The following ARFGEF3 variants were observed in gnomAD, a reference collection of about 807,000 sequenced individuals.
The protein encoded by ARFGEF3 is brefeldin A-inhibited guanine nucleotide-exchange protein 3.
A neutral mutation model predicts 221.7 loss-of-function variants in ARFGEF3; 96 were observed. That is an observed-to-expected ratio of 0.43 (90% CI 0.37 to 0.51). ARFGEF3 has a LOEUF of 0.51. Ranked by LOEUF, ARFGEF3 falls within the 20% of genes least tolerant of loss-of-function variation. The pLI is 0.00. For missense variants in ARFGEF3, 2,410 were observed against 2,789.9 expected, an observed-to-expected ratio of 0.86 and a Z score of 3.07; for synonymous variants, 1,145 against 1,126.8, an observed-to-expected ratio of 1.02 and a Z score of -0.32.
At chr6:138,265,970 C>T (rs1778885679) in intron 12 of ARFGEF3, among the ~76,000 whole-genome samples, 1 of 152,048 alleles carries the variant, frequency 6.6e-6, no homozygotes, top group South Asian at 2.1e-4. Context: ...CATCCCAGCA[C>T]TTTAGGAGGC....
chr6:138,281,847 A>C (rs1779201843), intron 14 of ARFGEF3, among the ~76,000 whole-genome samples: 1 of 152,192 alleles, frequency 6.6e-6, no homozygotes, highest in Admixed American at 6.5e-5. Flanking sequence ...GGGAGTCTGC[A>C]AAAGTTTAGT....
intron 6 of ARFGEF3, 47 bp downstream of exon 6, chr6:138,238,678 G>T: frequency 6.3e-7 from 1 of 1,592,932 alleles, no homozygotes; most frequent in South Asian, 1.1e-5. Flanking sequence ...GGTGGTGTCT[G>T]TGTATCCCAT....
rs149673166 is a variant in ARFGEF3, at chr6:138,338,071, C to T, written c.*1585C>T. On this transcript the variant is annotated 3_prime_UTR_variant, in exon 34 of 34. Coordinates refer to ENST00000251691, the MANE Select transcript of ARFGEF3 (RefSeq NM_020340.5). ...GATCTGAAAAAAACACCCTTATCAT[C>T]CAGTGTACCATCTAGAGATCACCAC... is the stretch of plus-strand genomic sequence containing the variant. 3 of 152,318 alleles carry T rather than the reference C, an allele frequency of 2.0e-5. No homozygotes were observed. Among genetic ancestry groups the T allele is most frequent in the African/African-American group, 7.2e-5 (3 of 41,582 alleles). The allele number at this position is 152,318 out of a possible 1,614,324, so 9.4% of individuals were successfully genotyped here. A position where few individuals can be genotyped will look rare whatever the true frequency, so the allele number is the denominator to read the frequency against.
chr6:138,262,187 C>CTTT (rs11393341), intron 11 of ARFGEF3, among the ~76,000 whole-genome samples: 62 of 127,868 alleles, frequency 4.8e-4, no homozygotes, highest in African/African-American at 7.7e-4. Context: ...ATGCAGACCA[C>CTTT]TTTTTTTTTT....
intron 7 of ARFGEF3, among the ~76,000 whole-genome samples, chr6:138,243,994 G>C (rs1778439904): frequency 6.6e-6 from 1 of 152,028 alleles, no homozygotes; most frequent in African/African-American, 2.4e-5. Flanking sequence ...TCTCATAAAG[G>C]CTTCACTTTA....
chr6:138,243,564 T>A lies in ARFGEF3; in HGVS notation c.586+570T>A, dbSNP rs544071397. ...GCAATTTAATTTTTAAAAACAGGTT[T>A]GATAATATTGTTTTCTGAAAGTATG... On this transcript the variant is annotated intron_variant, in intron 7 of 33. Coordinates refer to ENST00000251691, the MANE Select transcript of ARFGEF3 (RefSeq NM_020340.5). 6.6e-4 allele frequency among the ~76,000 whole-genome samples: 100 copies of A among 152,374 alleles called. No individual in the cohort carries two copies. The South Asian group carries it at 0.019, about 29-fold the overall frequency.
intron 2 of ARFGEF3, among the ~76,000 whole-genome samples, chr6:138,193,908 G>C (rs1235716625): frequency 6.6e-6 from 1 of 152,100 alleles, no homozygotes; most frequent in African/African-American, 2.4e-5. Flanking sequence ...GTTTCTGAAA[G>C]ATATTTATGC....
chr6:138,262,888 C>G lies in ARFGEF3; in HGVS notation c.1405C>G (p.Arg469Gly), dbSNP rs547536288. ...GCTGAAGGATGGGGCTGAGTGGAGCCGAGATTCCATGGAGATCAATGAGGC... is the reference window on the plus strand; with the variant it reads ...GCTGAAGGATGGGGCTGAGTGGAGCGGAGATTCCATGGAGATCAATGAGGC... ...EELKDGAEWS[R>G]DSMEINEADF... is the part of the protein sequence containing the mutation. The change falls in exon 12 of 34, where the codon CGA (arginine) becomes GGA (glycine). Residue 469 changes from arginine to glycine, a missense_variant. By Grantham distance (125) the Arg-to-Gly change is moderately radical. This residue lies in a region of ARFGEF3 where 570 missense variants were observed against 586.9 expected (regional missense o/e 0.97). Transcript: ENST00000251691. 3 of 1,613,492 alleles carry G rather than the reference C, an allele frequency of 1.9e-6. No individual in the cohort carries two copies. Among genetic ancestry groups the G allele is most frequent in the Admixed American group, 1.7e-5 (1 of 59,918 alleles).
intron 26 of ARFGEF3, among the ~76,000 whole-genome samples, chr6:138,315,815 A>C (rs1420490160): frequency 1.3e-5 from 2 of 151,306 alleles, no homozygotes; most frequent in Admixed American, 6.6e-5. Flanking sequence ...GCGCCACTGC[A>C]CTCTAGACTG....
chr6:138,311,169 A>C (rs991530429), intron 24 of ARFGEF3, among the ~76,000 whole-genome samples: 1 of 152,230 alleles, frequency 6.6e-6, no homozygotes, highest in Non-Finnish European at 1.5e-5. Context: ...TATAATCTCA[A>C]CAAAATGATA....
chr6:138,263,371 A>G lies in ARFGEF3; in HGVS notation c.1888A>G (p.Ile630Val), dbSNP rs1778827674. Residue 630 changes from isoleucine to valine, a missense_variant, in exon 12 of 34, where the codon ATT becomes GTT. Around this residue, in one of 5 missense-constraint regions of ARFGEF3, gnomAD observed 594 missense variants for 734.3 expected, o/e 0.81. Coordinates refer to ENST00000251691, the MANE Select transcript of ARFGEF3 (RefSeq NM_020340.5). ...KDSGRSDVSD[I>V]GSDNCSLADE... is the part of the protein sequence containing the mutation. ...CTCGGGCAGGTCCGACGTGTCAGAC[A>G]TTGGGTCGGACAACTGTTCACTAGC... is the stretch of plus-strand genomic sequence containing the variant. 6.2e-7 allele frequency: 1 copy of G among 1,614,010 alleles called. No homozygotes were observed. The highest frequency in any genetic ancestry group is 8.5e-7 in the Non-Finnish European group (1 of 1,179,870).
intron 9 of ARFGEF3, 115 bp from the exon 10 acceptor site, chr6:138,255,318 AAAG>A (rs748938506): frequency 1.4e-4 from 93 of 677,648 alleles, no homozygotes; most frequent in Admixed American, 9.1e-4. Flanking sequence ...AATGTAGCCA[AAAG>A]AAGAAGAAGT....
intron 4 of ARFGEF3, among the ~76,000 whole-genome samples, chr6:138,220,833 A>T (rs1316991305): frequency 6.6e-6 from 1 of 152,244 alleles, no homozygotes; most frequent in Non-Finnish European, 1.5e-5. Context: ...TGGAATTAGT[A>T]GATCTCATCT....
At chr6:138,301,269 A>G (rs1032450152) in intron 22 of ARFGEF3, among the ~76,000 whole-genome samples, 1 of 152,244 alleles carries the variant, frequency 6.6e-6, no homozygotes, top group Non-Finnish European at 1.5e-5. Flanking sequence ...CAGACAACAA[A>G]TTGAGTAGCA....
At chr6:138,285,390 G>T (rs1309264126) in intron 14 of ARFGEF3, among the ~76,000 whole-genome samples, 2 of 150,848 alleles carry the variant, frequency 1.3e-5, no homozygotes, top group Admixed American at 1.3e-4. Flanking sequence ...GGCGGAACTT[G>T]CAGCAGTGAG....
In ARFGEF3 at chr6:138,162,981, G is replaced by C. The variant is rs575578465; in HGVS notation, c.85+810G>C. On this transcript the variant is annotated intron_variant, in intron 1 of 33. Coordinates refer to ENST00000251691, the MANE Select transcript of ARFGEF3 (RefSeq NM_020340.5). The surrounding 1 kb of genome is among the most constrained non-coding windows in gnomAD (Gnocchi z 4.7). ...GAAGCCAGCGCAGCTAGCTCTATGG[G>C]CTCCTCTCTCTGCCTTGCTGGAGCC... is the stretch of plus-strand genomic sequence containing the variant. 6.6e-6 allele frequency among the ~76,000 whole-genome samples: 1 copy of C among 152,292 alleles called. No homozygotes were observed. Among genetic ancestry groups the C allele is most frequent in the South Asian group, 2.1e-4 (1 of 4,826 alleles).
chr6:138,170,836 C>A, intron 2 of ARFGEF3, 123 bp downstream of exon 2: 1 of 600,160 alleles, frequency 1.7e-6, no homozygotes, highest in Non-Finnish European at 3.0e-6. Context: ...ATACTACAGA[C>A]TGGGTGATTT....
intron 29 of ARFGEF3, among the ~76,000 whole-genome samples, chr6:138,323,268 T>TG (rs1016879610): frequency 1.3e-4 from 20 of 152,182 alleles, no homozygotes; most frequent in African/African-American, 4.6e-4. Context: ...AGAATAAACC[T>TG]GTGCATGAGC....
At chr6:138,180,483 T>G (rs910956860) in intron 2 of ARFGEF3, among the ~76,000 whole-genome samples, 1 of 152,204 alleles carries the variant, frequency 6.6e-6, no homozygotes, top group Non-Finnish European at 1.5e-5. Flanking sequence ...TTTCTTGCCT[T>G]CTTCCTTTTC....
Sources: allele counts gnomAD v4.1 joint callset (sites outside exome capture counted in the v4.1 genomes callset), GRCh38; gene constraint gnomAD v4.1.1; regional missense constraint gnomAD v4.1.1; non-coding constraint Gnocchi (gnomAD v3.1); transcripts MANE v1.5; gene names NCBI Gene and HGNC (gene_info 2026-07-23, HGNC 2026-07-21).